Variants in RBM18 observed in about 807,000 individuals in gnomAD.
The protein encoded by RBM18 is RNA binding motif protein 18, also known as probable RNA-binding protein 18.
A neutral mutation model predicts 26.4 loss-of-function variants in RBM18; 18 were observed. That is an observed-to-expected ratio of 0.68 (90% confidence interval 0.47 to 1.01). RBM18 has a LOEUF of 1.01. Among genes scored for constraint, RBM18 ranks in the 50% least tolerant of loss-of-function variants. The pLI is 0.00. For synonymous variants in RBM18, 74 were observed against 81.1 expected (o/e 0.91, Z 0.47); for missense variants, 180 against 219.2 (o/e 0.82, Z 1.13).
intron 4 of RBM18, among the ~76,000 whole-genome samples, 158 bp from the exon 5 acceptor site, chr9:122,245,499 T>C (rs1831490732): frequency 6.6e-6 from 1 of 152,118 alleles, no homozygotes; most frequent in African/African-American, 2.4e-5. Context: ...AAACTTCACA[T>C]GGTTTTGGCC....
At chr9:122,252,761 C>T (rs149515385) in intron 2 of RBM18, among the ~76,000 whole-genome samples, 1 of 152,324 alleles carries the variant, frequency 6.6e-6, no homozygotes, top group Admixed American at 6.5e-5. Context: ...TACAGATGGT[C>T]AAGGGAGAAA....
chr9:122,259,742 G>A (rs1831755734), intron 2 of RBM18, among the ~76,000 whole-genome samples: 3 of 152,120 alleles, frequency 2.0e-5, no homozygotes, highest in Non-Finnish European at 4.4e-5. Flanking sequence ...CGCCCAGGCT[G>A]GAGTGCAGTG....
At chr9:122,249,325 A>G (rs938653375) in intron 3 of RBM18, among the ~76,000 whole-genome samples, 9 of 152,340 alleles carry the variant, frequency 5.9e-5, no homozygotes, top group Admixed American at 5.2e-4. Flanking sequence ...TTAATAAATA[A>G]AAGAGCCAGA....
chr9:122,264,749 C>T lies in RBM18; in HGVS notation c.-51G>A, dbSNP rs1831935650. Reference sequence around the variant, plus strand: ...TCGGCGTGGTGCTCTCAGCTCATGCCCGGAAACCAGGTCCCGACGCCGCGG... The same window carrying T: ...TCGGCGTGGTGCTCTCAGCTCATGCTCGGAAACCAGGTCCCGACGCCGCGG... On this transcript the variant is annotated 5_prime_UTR_variant, in exon 1 of 6. Transcript: ENST00000417201. 1 of 152,320 alleles carries T rather than the reference C, an allele frequency of 6.6e-6. No homozygotes were observed. Among genetic ancestry groups the T allele is most frequent in the African/African-American group, 2.4e-5 (1 of 41,452 alleles). 9.4% of individuals were successfully genotyped at this position (152,320 alleles called of 1,614,324 possible). A position where few individuals can be genotyped will look rare whatever the true frequency, so the allele number is the denominator to read the frequency against.
At chr9:122,245,140 T>C in intron 5 of RBM18, 116 bp downstream of exon 5, 1 of 683,790 alleles carries the variant, frequency 1.5e-6, no homozygotes, top group South Asian at 1.7e-5. Flanking sequence ...ATCTCTCTTG[T>C]CAAGTTAATA....
At chr9:122,242,952 A>G (rs1831445822) in intron 5 of RBM18, among the ~76,000 whole-genome samples, 1 of 151,670 alleles carries the variant, frequency 6.6e-6, no homozygotes, top group Non-Finnish European at 1.5e-5. Context: ...TCAGCCTCCC[A>G]AGTAGCCGGG....
intron 2 of RBM18, among the ~76,000 whole-genome samples, chr9:122,253,871 C>CA (rs1831644587): frequency 1.3e-5 from 2 of 151,304 alleles, no homozygotes; most frequent in South Asian, 4.2e-4. Flanking sequence ...ACTAAAAATA[C>CA]AAAAAAATTA....
intron 4 of RBM18, among the ~76,000 whole-genome samples, chr9:122,245,641 T>C (rs1236220108): frequency 1.3e-5 from 2 of 152,144 alleles, no homozygotes; most frequent in Non-Finnish European, 2.9e-5. Flanking sequence ...CTTATATTCT[T>C]AACTGTCACA....
At chr9:122,243,935 G>A in intron 5 of RBM18, 1 of 873,612 alleles carries the variant, frequency 1.1e-6, no homozygotes, top group Non-Finnish European at 1.4e-6. Flanking sequence ...CAAATCATAA[G>A]AAACTAAAGA....
chr9:122,238,633 T>C lies in RBM18; in HGVS notation c.*3251A>G, dbSNP rs1831365939. The stretch of plus-strand genomic sequence containing the variant: ...ACCGCACAAGGGGAGAACAGTAGGC[T>C]ATAGGGTCAGACACGTAGTGAAGGA... On this transcript the variant is annotated 3_prime_UTR_variant, in exon 6 of 6. Coordinates refer to ENST00000417201, the MANE Select transcript of RBM18 (RefSeq NM_033117.4). The C allele has an allele frequency of 6.6e-6, 1 of 152,254 alleles. No homozygotes were observed. Among genetic ancestry groups the C allele is most frequent in the African/African-American group, 2.4e-5 (1 of 41,464 alleles). The allele number at this position is 152,254 out of a possible 1,614,324, so 9.4% of individuals were successfully genotyped here.
chr9:122,250,080 A>AAAAAAAAAAAAAG (rs1554813988), intron 3 of RBM18, among the ~76,000 whole-genome samples: 2 of 150,408 alleles, frequency 1.3e-5, no homozygotes, highest in Non-Finnish European at 1.5e-5. Flanking sequence ...AAAAAAAAAA[A>AAAAAAAAAAAAAG]GAATGCTAAT....
intron 2 of RBM18, among the ~76,000 whole-genome samples, chr9:122,255,121 A>C (rs1304994396): frequency 6.6e-6 from 1 of 152,228 alleles, no homozygotes; most frequent in Non-Finnish European, 1.5e-5. Flanking sequence ...AATGACATTT[A>C]ATATTATTTT....
chr9:122,247,785 G>GTT (rs34974193), intron 3 of RBM18, among the ~76,000 whole-genome samples, 181 bp from the exon 4 acceptor site: 41,545 of 132,696 alleles, frequency 0.31, 8,031 homozygotes, highest in South Asian at 0.45. Context: ...TTTTTTTGTT[G>GTT]TTTTTTTTTT....
chr9:122,262,131 T>TA (rs959395530), intron 1 of RBM18, among the ~76,000 whole-genome samples: 2 of 72,258 alleles, frequency 2.8e-5, no homozygotes, highest in Non-Finnish European at 4.3e-5. Context: ...TTAAAGACAG[T>TA]AAAAAAATCA....
chr9:122,248,204 T>G (rs558349994), intron 3 of RBM18, among the ~76,000 whole-genome samples: 1 of 152,322 alleles, frequency 6.6e-6, no homozygotes, highest in Admixed American at 6.5e-5. Flanking sequence ...AAAATACAGA[T>G]AAATAATGTA....
chr9:122,249,236 G>A (rs1831558219), intron 3 of RBM18, among the ~76,000 whole-genome samples: 1 of 151,642 alleles, frequency 6.6e-6, no homozygotes, highest in Non-Finnish European at 1.5e-5. Context: ...TTCCCATAAG[G>A]TAAGAAGGAT....
chr9:122,264,087 T>C (rs1831897596), intron 1 of RBM18, among the ~76,000 whole-genome samples: 1 of 152,242 alleles, frequency 6.6e-6, no homozygotes, highest in South Asian at 2.1e-4. Flanking sequence ...CTTGCCAATC[T>C]TGATCACGGT....
intron 3 of RBM18, among the ~76,000 whole-genome samples, chr9:122,250,463 T>C (rs1239391444): frequency 6.6e-6 from 1 of 152,194 alleles, no homozygotes; most frequent in Non-Finnish European, 1.5e-5. Context: ...TAGTCAAATA[T>C]GATATATTCA....
At chr9:122,248,717 C>A (rs1831548157) in intron 3 of RBM18, among the ~76,000 whole-genome samples, 1 of 152,222 alleles carries the variant, frequency 6.6e-6, no homozygotes, top group Non-Finnish European at 1.5e-5. Context: ...ACCTTCTTTG[C>A]CCCATTTGCA....
Sources: allele counts gnomAD v4.1 joint callset (sites outside exome capture counted in the v4.1 genomes callset), GRCh38; gene constraint gnomAD v4.1.1; transcripts MANE v1.5; gene names NCBI Gene and HGNC (gene_info 2026-07-23, HGNC 2026-07-21).